Variants in BACE2 observed in about 807,000 individuals in gnomAD.
BACE2 encodes beta-secretase 2, also known as 56 kDa aspartic-like protease.
BACE2 carries 17 observed loss-of-function variants against 46.2 expected under a neutral mutation model. The ratio of observed to expected loss-of-function variants is 0.37; its 90% CI spans 0.25 to 0.55. The LOEUF (loss-of-function observed/expected upper bound fraction) is 0.55. Ranked by LOEUF, BACE2 falls within the 20% of genes least tolerant of loss-of-function variation. The pLI, the probability that BACE2 is intolerant of heterozygous loss-of-function variation, is 0.82. For synonymous variants in BACE2, 277 were observed against 295.9 expected (o/e 0.94, Z 0.66); for missense variants, 595 against 698.1 (o/e 0.85, Z 1.66).
At chr21:41,250,653 C>A in intron 6 of BACE2, 99 bp from the exon 7 acceptor site, 2 of 1,057,174 alleles carry the variant, frequency 1.9e-6, no homozygotes, top group Non-Finnish European at 2.9e-6. Context: ...ATTGTTTATC[C>A]CTGTGGGCAT....
intron 2 of BACE2, among the ~76,000 whole-genome samples, chr21:41,235,670 C>T (rs368508454): frequency 5.9e-5 from 9 of 151,996 alleles, no homozygotes; most frequent in Non-Finnish European, 1.2e-4. Context: ...GACCCTGTCT[C>T]GGCAAAAAAA....
At chr21:41,253,820 T>C (rs563671011) in intron 7 of BACE2, among the ~76,000 whole-genome samples, 1 of 152,362 alleles carries the variant, frequency 6.6e-6, no homozygotes, top group East Asian at 1.9e-4. Flanking sequence ...AGATATTTTT[T>C]GGTTGTCTTT....
intron 1 of BACE2, among the ~76,000 whole-genome samples, chr21:41,201,664 A>G (rs1347732780): frequency 6.6e-6 from 1 of 152,276 alleles, no homozygotes; most frequent in Non-Finnish European, 1.5e-5. Flanking sequence ...CGCAACGCAC[A>G]GCTAGTTGGG....
intron 3 of BACE2, 109 bp from the exon 4 acceptor site, chr21:41,241,710 A>T: frequency 7.5e-7 from 1 of 1,325,386 alleles, no homozygotes; most frequent in Non-Finnish European, 1.0e-6. Context: ...CCATGAAAAA[A>T]TTGAGTATAA....
intron 5 of BACE2, among the ~76,000 whole-genome samples, chr21:41,245,091 T>C: frequency 6.6e-6 from 1 of 152,260 alleles, no homozygotes; most frequent in South Asian, 2.1e-4. Flanking sequence ...ACTGAAAATT[T>C]TATGAACACG....
At chr21:41,189,107 A>G (rs8133241) in intron 1 of BACE2, among the ~76,000 whole-genome samples, 15,025 of 151,954 alleles carry the variant, frequency 0.099, 1,776 homozygotes, top group African/African-American at 0.28. Flanking sequence ...CTGTATATGA[A>G]CTGTTTTCTT....
At chr21:41,262,860 A>G (rs1270507808) in intron 8 of BACE2, among the ~76,000 whole-genome samples, 1 of 152,044 alleles carries the variant, frequency 6.6e-6, no homozygotes, top group African/African-American at 2.4e-5. Flanking sequence ...ATCCAGCCAC[A>G]TTGCTAAGTT....
chr21:41,245,954 G>A lies in BACE2; in HGVS notation c.883-8G>A, dbSNP rs775924859. On this transcript the variant is annotated splice_polypyrimidine_tract_variant and splice_region_variant and intron_variant, in intron 5 of 8. Transcript: ENST00000330333. Reference sequence around the variant, plus strand: ...TCACGCACCTTTCCCTTTCTCTCCCGGTTCAAGTATAACGCAGACAAGGCC... The same window carrying A: ...TCACGCACCTTTCCCTTTCTCTCCCAGTTCAAGTATAACGCAGACAAGGCC... The A allele has an allele frequency of 5.6e-6, 9 of 1,600,020 alleles. No individual in the cohort carries two copies. The highest frequency in any genetic ancestry group is 1.3e-5 in the African/African-American group (1 of 74,682).
rs764569741 is a variant in BACE2, at chr21:41,237,588, G to GGAAGACCTC, written c.479_487dup (p.Glu160_Leu162dup). On this transcript the variant is annotated inframe_insertion, in exon 3 of 9. Coordinates refer to ENST00000330333, the MANE Select transcript of BACE2 (RefSeq NM_012105.5). Reference sequence around the variant, plus strand: ...AAGGAAGCTGGACGGGCTTCGTTGGGGAAGACCTCGTCACCATCCCCAAAG... The same window carrying GGAAGACCTC: ...AAGGAAGCTGGACGGGCTTCGTTGGGGAAGACCTCGAAGACCTCGTCACCATCCCCAAAG... The GGAAGACCTC allele has an allele frequency of 6.2e-7, 1 of 1,614,238 alleles. No individual in the cohort carries two copies. The highest frequency in any genetic ancestry group is 8.5e-7 in the Non-Finnish European group (1 of 1,180,046).
rs2123516686 is a variant in BACE2, at chr21:41,193,354, C to T, written c.312+24779C>T. Among the ~76,000 whole-genome samples the T allele has an allele frequency of 6.6e-6, 1 of 152,334 alleles. No individual in the cohort carries two copies. Among genetic ancestry groups the T allele is most frequent in the South Asian group, 2.1e-4 (1 of 4,826 alleles). On this transcript the variant is annotated intron_variant, in intron 1 of 8. Coordinates refer to ENST00000330333, the MANE Select transcript of BACE2 (RefSeq NM_012105.5). The surrounding 1 kb of genome is among the most constrained non-coding windows in gnomAD (Gnocchi z 4.2). Reference sequence around the variant, plus strand: ...TTAATTTGCTCAAGCAATGAAACCACATCTGGTACAGCAGCTGCAATTGGA... The same window carrying T: ...TTAATTTGCTCAAGCAATGAAACCATATCTGGTACAGCAGCTGCAATTGGA...
chr21:41,249,738 C>G (rs1246452502), intron 6 of BACE2, among the ~76,000 whole-genome samples: 1 of 152,162 alleles, frequency 6.6e-6, no homozygotes, highest in Admixed American at 6.5e-5. Flanking sequence ...CTGCCCCACG[C>G]GGGACCCTGC....
At chr21:41,217,165 G>A (rs545229243) in intron 1 of BACE2, among the ~76,000 whole-genome samples, 28 of 152,286 alleles carry the variant, frequency 1.8e-4, no homozygotes, top group African/African-American at 6.7e-4. Context: ...CTCTGACCTC[G>A]TGATCTGCCC....
At chr21:41,201,484 GT>G (rs1202208457) in intron 1 of BACE2, among the ~76,000 whole-genome samples, 1 of 152,210 alleles carries the variant, frequency 6.6e-6, no homozygotes, top group Non-Finnish European at 1.5e-5. Flanking sequence ...GGAATGTTTG[GT>G]ACAAAACCCA....
chr21:41,168,434 C>G lies in BACE2; in HGVS notation c.171C>G (p.Ala57=). The change falls in exon 1 of 9, where the codon GCC becomes GCG. Residue 57 remains alanine (A), a synonymous_variant. Coordinates refer to ENST00000330333, the MANE Select transcript of BACE2 (RefSeq NM_012105.5). ...CCGGGACCCCTGCCGAGCGCCACGC[C>G]GACGGCTTGGCGCTCGCCCTGGAGC... ...PGPGTPAERH[A]DGLALALEPA... is the part of the protein sequence containing the mutation. The G allele has an allele frequency of 7.2e-7, 1 of 1,398,582 alleles. No individual in the cohort carries two copies. Among genetic ancestry groups the G allele is most frequent in the Non-Finnish European group, 9.3e-7 (1 of 1,074,414 alleles). The allele number at this position is 1,398,582 out of a possible 1,614,324, so 86.6% of individuals were successfully genotyped here. A position where few individuals can be genotyped will look rare whatever the true frequency, so the allele number is the denominator to read the frequency against.
chr21:41,216,109 A>T (rs527657812), intron 1 of BACE2, among the ~76,000 whole-genome samples: 50 of 151,920 alleles, frequency 3.3e-4, no homozygotes, highest in Admixed American at 9.2e-4. Context: ...AGGTGGCATT[A>T]CTATTTTTAT....
At chr21:41,267,779 T>C (rs1463145845) in intron 8 of BACE2, among the ~76,000 whole-genome samples, 1 of 152,108 alleles carries the variant, frequency 6.6e-6, no homozygotes, top group Non-Finnish European at 1.5e-5. Flanking sequence ...TCCGTAGCTT[T>C]CACATGGTTG....
intron 1 of BACE2, chr21:41,183,458 A>G (rs1985224444): frequency 6.0e-6 from 1 of 166,944 alleles, no homozygotes; most frequent in African/African-American, 2.4e-5. Flanking sequence ...CCTATACAAG[A>G]CAACTGGATT....
chr21:41,189,912 A>C (rs951161587), intron 1 of BACE2, among the ~76,000 whole-genome samples: 25 of 152,188 alleles, frequency 1.6e-4, no homozygotes, highest in African/African-American at 6.0e-4. Context: ...GAGTCTCAAA[A>C]CTGAAGAATT....
In BACE2 at chr21:41,237,736, C is replaced by T; in HGVS notation, c.618+7C>T. On this transcript the variant is annotated splice_region_variant and intron_variant, in intron 3 of 8. Coordinates refer to ENST00000330333, the MANE Select transcript of BACE2 (RefSeq NM_012105.5). ...TTATGCCACACTTGCCAAGGTAAGG[C>T]TAATCCATGGATTTAAGGAAATCAA... is the stretch of plus-strand genomic sequence containing the variant. 1 of 1,605,878 alleles carries T rather than the reference C, an allele frequency of 6.2e-7. No individual in the cohort carries two copies.
Sources: allele counts gnomAD v4.1 joint callset (sites outside exome capture counted in the v4.1 genomes callset), GRCh38; gene constraint gnomAD v4.1.1; non-coding constraint Gnocchi (gnomAD v3.1); transcripts MANE v1.5; gene names NCBI Gene and HGNC (gene_info 2026-07-23, HGNC 2026-07-21).